Variants in ARHGAP15 observed in about 807,000 individuals in gnomAD.
ARHGAP15 encodes rho GTPase-activating protein 15.
Under a neutral mutation model 63.7 loss-of-function variants are expected in ARHGAP15, and 51 were observed. That is an observed-to-expected ratio of 0.80 (90% CI 0.64 to 1.01). ARHGAP15 has a LOEUF of 1.01. Ranked by LOEUF, ARHGAP15 falls within the 50% of genes least tolerant of loss-of-function variation. The pLI, the probability that ARHGAP15 is intolerant of heterozygous loss-of-function variation, is 0.00. For synonymous variants in ARHGAP15, 191 were observed against 193.8 expected (o/e 0.99, Z 0.12); for missense variants, 560 against 564.6 (o/e 0.99, Z 0.08).
At chr2:143,372,110 C>G (rs1210798183) in intron 6 of ARHGAP15, among the ~76,000 whole-genome samples, 2 of 151,748 alleles carry the variant, frequency 1.3e-5, no homozygotes, top group East Asian at 3.9e-4. Context: ...GAGGCTGAGG[C>G]AGGAGGATCA....
intron 6 of ARHGAP15, among the ~76,000 whole-genome samples, chr2:143,319,395 T>G (rs531539247): frequency 1.2e-3 from 189 of 152,118 alleles, no homozygotes; most frequent in African/African-American, 4.2e-3. Context: ...TGGCTAATTG[T>G]ATTTTTGATA....
intron 6 of ARHGAP15, among the ~76,000 whole-genome samples, chr2:143,359,237 G>A (rs554807847): frequency 7.9e-5 from 12 of 152,054 alleles, no homozygotes; most frequent in African/African-American, 2.7e-4. Flanking sequence ...TGATTCTTAG[G>A]CATACTTTCA....
At chr2:143,317,736 G>T (rs1683785827) in intron 6 of ARHGAP15, among the ~76,000 whole-genome samples, 1 of 152,114 alleles carries the variant, frequency 6.6e-6, no homozygotes, top group Non-Finnish European at 1.5e-5. Context: ...CGTGGTTTGG[G>T]GGGATTCATG....
intron 11 of ARHGAP15, among the ~76,000 whole-genome samples, chr2:143,617,113 G>C (rs1315933369): frequency 6.6e-6 from 1 of 152,194 alleles, no homozygotes; most frequent in East Asian, 1.9e-4. Context: ...AGCCTGAATA[G>C]GCAGGCAATT....
At chr2:143,586,605 C>T (rs1697118193) in intron 11 of ARHGAP15, among the ~76,000 whole-genome samples, 1 of 151,948 alleles carries the variant, frequency 6.6e-6, no homozygotes, top group South Asian at 2.1e-4. Flanking sequence ...CTGAGCTCTA[C>T]CCACTGCTTT....
At chr2:143,373,655 A>C (rs1686674145) in intron 6 of ARHGAP15, among the ~76,000 whole-genome samples, 2 of 150,998 alleles carry the variant, frequency 1.3e-5, no homozygotes, top group African/African-American at 4.9e-5. Flanking sequence ...AAAAAAAAAA[A>C]AAAAACACAG....
chr2:143,611,634 T>TCTTTTATCTTTTA (rs1203407150), intron 11 of ARHGAP15, among the ~76,000 whole-genome samples: 1 of 152,182 alleles, frequency 6.6e-6, no homozygotes, highest in African/African-American at 2.4e-5. Flanking sequence ...AATTTGTCTG[T>TCTTTTATCTTTTA]CCAGTCTTTA....
intron 6 of ARHGAP15, among the ~76,000 whole-genome samples, chr2:143,384,204 C>T (rs1326536882): frequency 2.1e-4 from 31 of 149,396 alleles, no homozygotes; most frequent in Non-Finnish European, 3.9e-4. Flanking sequence ...TTTTTCTTTT[C>T]GTTGATTTTT....
intron 6 of ARHGAP15, among the ~76,000 whole-genome samples, chr2:143,259,630 A>G (rs879460586): frequency 3.9e-5 from 6 of 152,136 alleles, no homozygotes; most frequent in Non-Finnish European, 7.4e-5. Flanking sequence ...TGCTCTCGGG[A>G]GGTATTTAAA....
intron 13 of ARHGAP15, among the ~76,000 whole-genome samples, chr2:143,756,867 T>G (rs1419233160): frequency 6.6e-6 from 1 of 152,230 alleles, no homozygotes; most frequent in Non-Finnish European, 1.5e-5. Flanking sequence ...ACCCAAGACT[T>G]CTTGTTGACT....
chr2:143,559,260 G>C (rs537536689), intron 11 of ARHGAP15, among the ~76,000 whole-genome samples: 1 of 152,060 alleles, frequency 6.6e-6, no homozygotes, highest in Non-Finnish European at 1.5e-5. Flanking sequence ...GTTTGAAAAG[G>C]CAAAGAAAAA....
At chr2:143,599,202 C>T (rs1341000655) in intron 11 of ARHGAP15, among the ~76,000 whole-genome samples, 1 of 152,070 alleles carries the variant, frequency 6.6e-6, no homozygotes, top group African/African-American at 2.4e-5. Flanking sequence ...ATGTATTTGT[C>T]TATTCACCAA....
At chr2:143,706,918 T>C (rs1215971081) in intron 13 of ARHGAP15, among the ~76,000 whole-genome samples, 2 of 152,156 alleles carry the variant, frequency 1.3e-5, no homozygotes, top group African/African-American at 4.8e-5. Flanking sequence ...AAAATACAAG[T>C]GTCAAATGCA....
At chr2:143,379,359 G>A (rs1002178956) in intron 6 of ARHGAP15, among the ~76,000 whole-genome samples, 3 of 150,870 alleles carry the variant, frequency 2.0e-5, no homozygotes, top group Non-Finnish European at 4.4e-5. Flanking sequence ...ATATATATAT[G>A]TGTGTGTGTA....
chr2:143,407,897 T>C (rs1273489535), intron 6 of ARHGAP15, among the ~76,000 whole-genome samples: 1 of 148,952 alleles, frequency 6.7e-6, no homozygotes, highest in Non-Finnish European at 1.5e-5. Flanking sequence ...GTCCAAGTTT[T>C]CCTAGAAAAA....
chr2:143,689,381 A>G (rs1683491871), intron 12 of ARHGAP15, among the ~76,000 whole-genome samples: 1 of 152,106 alleles, frequency 6.6e-6, no homozygotes, highest in Non-Finnish European at 1.5e-5. Flanking sequence ...GATACTAAGT[A>G]GCTTCTTAAT....
At chr2:143,489,155 T>C (rs546879171) in intron 9 of ARHGAP15, among the ~76,000 whole-genome samples, 3 of 152,190 alleles carry the variant, frequency 2.0e-5, no homozygotes, top group Non-Finnish European at 4.4e-5. Flanking sequence ...TAAAAGGGGT[T>C]TTAATTCAGT....
chr2:143,396,167 G>A (rs1304500083), intron 6 of ARHGAP15, among the ~76,000 whole-genome samples: 1 of 152,032 alleles, frequency 6.6e-6, no homozygotes, highest in African/African-American at 2.4e-5. Context: ...CATCAAAAAC[G>A]AGGTAAAAGG....
chr2:143,562,205 A>C (rs1696058599), intron 11 of ARHGAP15, among the ~76,000 whole-genome samples: 2 of 152,236 alleles, frequency 1.3e-5, no homozygotes, highest in Non-Finnish European at 2.9e-5. Context: ...GCCAAGCATT[A>C]ACTTTAGTAG....
Sources: allele counts gnomAD v4.1 joint callset (sites outside exome capture counted in the v4.1 genomes callset), GRCh38; gene constraint gnomAD v4.1.1; transcripts MANE v1.5; gene names NCBI Gene and HGNC (gene_info 2026-07-23, HGNC 2026-07-21).